The following PDHX variants were observed in gnomAD, a reference collection of about 807,000 sequenced individuals.
The protein encoded by PDHX is pyruvate dehydrogenase protein X component, mitochondrial.
PDHX carries 33 observed loss-of-function variants against 55.3 expected under a neutral mutation model. The observed-to-expected ratio is 0.60, with a 90% CI of 0.45 to 0.80. The LOEUF (loss-of-function observed/expected upper bound fraction) is 0.80, where lower values mean the gene tolerates loss of function less well. PDHX is among the 30% of genes least tolerant of loss of function. PDHX has a pLI of 0.00. For synonymous variants in PDHX, 226 were observed against 219.4 expected, an observed-to-expected ratio of 1.03 and a Z score of -0.27; for missense variants, 622 against 619.9, an observed-to-expected ratio of 1.00 and a Z score of -0.04.
At chr11:34,918,187 C>T (rs566706719) in intron 1 of PDHX, among the ~76,000 whole-genome samples, 4 of 151,948 alleles carry the variant, frequency 2.6e-5, no homozygotes, top group African/African-American at 4.8e-5. Context: ...CCTGTAATCC[C>T]AGCACTTTGG....
At chr11:34,990,828 TAA>T (rs1056038153) in intron 9 of PDHX, among the ~76,000 whole-genome samples, 4 of 152,222 alleles carry the variant, frequency 2.6e-5, no homozygotes, top group African/African-American at 9.6e-5. Context: ...TTGATATTTT[TAA>T]AGACTTTCAA....
intron 8 of PDHX, among the ~76,000 whole-genome samples, chr11:34,982,589 A>C (rs868211671): frequency 2.0e-5 from 3 of 152,176 alleles, no homozygotes; most frequent in Non-Finnish European, 4.4e-5. Flanking sequence ...GATAAAGGCG[A>C]TATCACCACC....
intron 1 of PDHX, among the ~76,000 whole-genome samples, chr11:34,917,045 T>C (rs926278175): frequency 1.3e-5 from 2 of 152,134 alleles, no homozygotes; most frequent in African/African-American, 4.8e-5. Context: ...TTTGTATGGC[T>C]TTGTGACCTT....
chr11:34,984,082 G>A (rs190261344), intron 8 of PDHX, among the ~76,000 whole-genome samples: 2 of 152,236 alleles, frequency 1.3e-5, no homozygotes, highest in East Asian at 1.9e-4. Context: ...CAGAGATATA[G>A]ACCAATGGAA....
chr11:34,925,075 A>C (rs1002690155), intron 1 of PDHX, among the ~76,000 whole-genome samples: 4 of 152,064 alleles, frequency 2.6e-5, no homozygotes, highest in Non-Finnish European at 5.9e-5. Context: ...CTGCCCTTTA[A>C]ATTTTTAGTT....
chr11:34,982,719 C>A (rs989485579), intron 8 of PDHX, among the ~76,000 whole-genome samples: 2 of 152,058 alleles, frequency 1.3e-5, no homozygotes, highest in South Asian at 4.1e-4. Context: ...CAAGACTAAA[C>A]CAGGAAGAAC....
chr11:34,981,739 C>T (rs535144012), intron 8 of PDHX, among the ~76,000 whole-genome samples: 1 of 151,348 alleles, frequency 6.6e-6, no homozygotes, highest in African/African-American at 2.5e-5. Flanking sequence ...ATTTGCATTT[C>T]TTTGATGACT....
intron 2 of PDHX, among the ~76,000 whole-genome samples, chr11:34,945,616 G>GT (rs140685908): frequency 0.015 from 2,317 of 151,776 alleles, 28 homozygotes; most frequent in Middle Eastern, 0.044. Flanking sequence ...GAGGTAATCT[G>GT]TTTTTTTTCC....
rs942835256 is a variant in PDHX at position 34,937,516 on chromosome 11, G to A, written c.241+6032G>A. Among the ~76,000 whole-genome samples the A allele has an allele frequency of 6.7e-5, 10 of 148,786 alleles. 1 individual carries two copies. In the Admixed American group the frequency reaches 6.7e-4, roughly 10 times the overall value. On this transcript the variant is annotated intron_variant, in intron 2 of 10. Coordinates refer to ENST00000227868, the MANE Select transcript of PDHX (RefSeq NM_003477.3). ...GAAATCAAGAATCAGATTAAAATTT[G>A]AATATGGTAAGATTTGAAATGCATA...
At chr11:34,950,742 A>G (rs1373242512) in intron 3 of PDHX, among the ~76,000 whole-genome samples, 2 of 150,182 alleles carry the variant, frequency 1.3e-5, no homozygotes, top group Admixed American at 1.3e-4. Flanking sequence ...TCCATGGTGT[A>G]TATGTGCCAC....
chr11:34,952,120 C>T (rs1248855752), intron 3 of PDHX, among the ~76,000 whole-genome samples: 1 of 151,872 alleles, frequency 6.6e-6, no homozygotes, highest in African/African-American at 2.4e-5. Flanking sequence ...TCGACACATA[C>T]ACTCTCCCAA....
At chr11:34,945,024 T>C (rs1460414046) in intron 2 of PDHX, among the ~76,000 whole-genome samples, 3 of 152,190 alleles carry the variant, frequency 2.0e-5, no homozygotes, top group Non-Finnish European at 4.4e-5. Context: ...TCTGTTTTTC[T>C]AATGCTGTAG....
chr11:34,964,851 A>ATAACTAATATTAGCTAGCTATTAGCG (rs1855096565), intron 5 of PDHX, among the ~76,000 whole-genome samples: 1 of 130,332 alleles, frequency 7.7e-6, no homozygotes, highest in African/African-American at 4.0e-5. Flanking sequence ...AGCTATTAGC[A>ATAACTAATATTAGCTAGCTATTAGCG]TATTATTAGC....
intron 10 of PDHX, among the ~76,000 whole-genome samples, chr11:34,993,382 G>A (rs1461240911): frequency 4.6e-5 from 7 of 152,010 alleles, no homozygotes; most frequent in Non-Finnish European, 7.4e-5. Flanking sequence ...CTATCTCAGA[G>A]TCATGAAGTT....
chr11:34,949,108 G>A (rs1854691423), intron 3 of PDHX, among the ~76,000 whole-genome samples: 1 of 152,186 alleles, frequency 6.6e-6, no homozygotes, highest in African/African-American at 2.4e-5. Context: ...CCAAAGAAAA[G>A]ACTGTATATT....
chr11:34,947,391 C>T, intron 2 of PDHX, 115 bp from the exon 3 acceptor site: 1 of 728,528 alleles, frequency 1.4e-6, no homozygotes, highest in Non-Finnish European at 2.4e-6. Context: ...ATTTCCACAA[C>T]CCAGAAATAG....
At chr11:34,937,924 A>G (rs1056033997) in intron 2 of PDHX, among the ~76,000 whole-genome samples, 1 of 152,216 alleles carries the variant, frequency 6.6e-6, no homozygotes, top group Non-Finnish European at 1.5e-5. Context: ...TTAATAACGT[A>G]TGTGGAAGAA....
Position 34,916,769 on chromosome 11 carries a change from C to A in PDHX, c.114C>A (p.Ser38Arg). 2 of 1,606,958 alleles carry A rather than the reference C, an allele frequency of 1.2e-6. No individual in the cohort carries two copies. The highest frequency in any genetic ancestry group is 2.2e-5 in the South Asian group (2 of 90,032). Residue 38 changes from serine (S) to arginine (R), a missense_variant, in exon 1 of 11, where the codon AGC becomes AGA. Transcript: ENST00000227868. The stretch of plus-strand genomic sequence containing the variant: ...AGGGGGCTCTTGGGTGGTCTGTAAG[C>A]CGCGGAGCTAATTGGAGATGGTTTC... ...LVKGALGWSV[S>R]RGANWRWFHS...
At chr11:34,916,565 C>T, upstream of PDHX, 1 of 1,548,810 alleles carries the variant, frequency 6.5e-7, no homozygotes, top group Non-Finnish European at 8.7e-7. Flanking sequence ...GCACCGCTAG[C>T]GTCTGGGGGC....
Sources: gnomAD v4.1 joint callset for allele counts (sites outside exome capture counted in the v4.1 genomes callset) on GRCh38, gnomAD v4.1.1 for gene constraint, MANE v1.5 for transcripts, NCBI Gene and HGNC (gene_info 2026-07-23, HGNC 2026-07-21) for gene names.